The following SRGAP1 variants were observed in gnomAD, a reference collection of about 807,000 sequenced individuals.
The protein encoded by SRGAP1 is SLIT-ROBO Rho GTPase-activating protein 1.
Under a neutral mutation model 121.9 loss-of-function variants are expected in SRGAP1, and 43 were observed. The observed-to-expected ratio is 0.35, with a 90% CI of 0.28 to 0.46. The LOEUF (loss-of-function observed/expected upper bound fraction) is 0.46, where lower values mean the gene tolerates loss of function less well. SRGAP1 is among the 20% of genes least tolerant of loss of function. The pLI is 1.00. For missense variants in SRGAP1, 1,102 were observed against 1,350.9 expected, an observed-to-expected ratio of 0.82 and a Z score of 2.89; for synonymous variants, 447 against 485.4, an observed-to-expected ratio of 0.92 and a Z score of 1.04.
Position 64,042,861 on chromosome 12 carries a change from A to T in SRGAP1, c.561A>T (p.Lys187Asn). The T allele has an allele frequency of 6.2e-7, 1 of 1,613,906 alleles. No individual in the cohort carries two copies. The highest frequency in any genetic ancestry group is 2.2e-5 in the East Asian group (1 of 44,772). Residue 187 changes from lysine (K) to asparagine (N), a missense_variant, in exon 5 of 22, where the codon AAA becomes AAT. Around this residue, in one of 3 missense-constraint regions of SRGAP1, gnomAD observed 747 missense variants for 929.4 expected, o/e 0.80. Transcript: ENST00000355086. ...SAESKLKEAE[K>N]QEEKQIGRSG... ...AGAGCAAGCTGAAAGAGGCCGAAAA[A>T]CAAGAGGAAAAGCAAATTGGGAGAT...
chr12:63,917,408 G>C (rs1366361344), intron 1 of SRGAP1, among the ~76,000 whole-genome samples: 1 of 152,136 alleles, frequency 6.6e-6, no homozygotes, highest in East Asian at 1.9e-4. Flanking sequence ...CTTGGCTAGA[G>C]TCCAGGGTGG....
At chr12:64,070,080 A>G (rs1485982280) in intron 8 of SRGAP1, among the ~76,000 whole-genome samples, 4 of 152,194 alleles carry the variant, frequency 2.6e-5, no homozygotes, top group Non-Finnish European at 5.9e-5. Context: ...CTTAAAGGCA[A>G]CTTTTCAAAA....
intron 1 of SRGAP1, among the ~76,000 whole-genome samples, chr12:63,869,606 G>A (rs1013015604): frequency 1.3e-5 from 2 of 151,952 alleles, no homozygotes; most frequent in Admixed American, 1.3e-4. Context: ...TTTTTCCTGC[G>A]TTCATCTATA....
chr12:64,120,784 A>G (rs11835784), intron 18 of SRGAP1, among the ~76,000 whole-genome samples: 3,548 of 152,272 alleles, frequency 0.023, 156 homozygotes, highest in African/African-American at 0.081. Context: ...AATGCCCTCA[A>G]GGCAAAATCT....
At chr12:63,976,491 TTA>T (rs2136398481) in intron 1 of SRGAP1, among the ~76,000 whole-genome samples, 1 of 152,282 alleles carries the variant, frequency 6.6e-6, no homozygotes, top group South Asian at 2.1e-4. Context: ...CCCCCTCTCA[TTA>T]TCTGTCTGTG....
chr12:64,102,844 A>G (rs886884145), intron 15 of SRGAP1, among the ~76,000 whole-genome samples: 1 of 152,192 alleles, frequency 6.6e-6, no homozygotes, highest in African/African-American at 2.4e-5. Context: ...CTAATGGATA[A>G]GAGGTTTGTT....
intron 10 of SRGAP1, among the ~76,000 whole-genome samples, chr12:64,083,383 A>G (rs2136569800): frequency 6.6e-6 from 1 of 152,322 alleles, no homozygotes; most frequent in South Asian, 2.1e-4. Context: ...ATCTGTAACT[A>G]CAGACATGTG....
chr12:64,141,329 C>G (rs2036959573), intron 21 of SRGAP1, among the ~76,000 whole-genome samples: 1 of 150,810 alleles, frequency 6.6e-6, no homozygotes, highest in South Asian at 2.1e-4. Flanking sequence ...TGCCTGTAAT[C>G]CCAGCACTTT....
At chr12:64,121,926 C>T (rs557588870) in intron 18 of SRGAP1, among the ~76,000 whole-genome samples, 1 of 152,302 alleles carries the variant, frequency 6.6e-6, no homozygotes, top group South Asian at 2.1e-4. Context: ...ACTAGAGTAT[C>T]AATTATCCTT....
At chr12:63,854,413 A>T (rs1565921570) in intron 1 of SRGAP1, among the ~76,000 whole-genome samples, 1 of 152,198 alleles carries the variant, frequency 6.6e-6, no homozygotes, top group Non-Finnish European at 1.5e-5. Context: ...TCTTTTAAAG[A>T]TACATGCTGA....
chr12:64,087,155 A>G (rs1451253974), intron 11 of SRGAP1, 129 bp downstream of exon 11: 5 of 635,994 alleles, frequency 7.9e-6, no homozygotes, highest in East Asian at 3.0e-5. Context: ...TTGACAAAGC[A>G]TAGCAACATG....
chr12:64,020,265 T>A (rs1244251112), intron 4 of SRGAP1, among the ~76,000 whole-genome samples: 1 of 152,100 alleles, frequency 6.6e-6, no homozygotes, highest in Non-Finnish European at 1.5e-5. Context: ...GTGCAGATGA[T>A]GGGGTAGATA....
At chr12:63,975,425 C>A (rs2033066566) in intron 1 of SRGAP1, among the ~76,000 whole-genome samples, 1 of 152,098 alleles carries the variant, frequency 6.6e-6, no homozygotes, top group East Asian at 1.9e-4. Context: ...GTCCAAAAGC[C>A]ATATTGGTCA....
At chr12:64,032,102 A>C (rs2034794457) in intron 4 of SRGAP1, among the ~76,000 whole-genome samples, 1 of 152,222 alleles carries the variant, frequency 6.6e-6, no homozygotes, top group South Asian at 2.1e-4. Flanking sequence ...ATTTAGGCTC[A>C]CAGACAATTT....
At chr12:64,106,035 T>G (rs2036339715) in intron 15 of SRGAP1, among the ~76,000 whole-genome samples, 1 of 152,210 alleles carries the variant, frequency 6.6e-6, no homozygotes, top group South Asian at 2.1e-4. Flanking sequence ...ATTAATTGTT[T>G]TAGAGACAAT....
chr12:64,036,609 T>C (rs138573968), intron 4 of SRGAP1, among the ~76,000 whole-genome samples: 1 of 152,288 alleles, frequency 6.6e-6, no homozygotes, highest in African/African-American at 2.4e-5. Context: ...ACCACATCAT[T>C]TCTTTTCTGA....
In SRGAP1 at chr12:64,097,222, G is replaced by GTTTTTT; in HGVS notation, c.1679-8_1679-3dup. On this transcript the variant is annotated intron_variant, in intron 14 of 21. Transcript: ENST00000355086. ...AAAAGAAGCACTGTTAATGTAATGA[G>GTTTTTT]TTTTTTTTTTTTTTTTAGGTGAAAA... The GTTTTTT allele has an allele frequency of 3.4e-6, 5 of 1,459,398 alleles. No individual in the cohort carries two copies. Among genetic ancestry groups the GTTTTTT allele is most frequent in the African/African-American group, 3.0e-5 (2 of 66,994 alleles). The allele number at this position is 1,459,398 out of a possible 1,614,324, so 90.4% of individuals were successfully genotyped here. A position where few individuals can be genotyped will look rare whatever the true frequency, so the allele number is the denominator to read the frequency against.
intron 6 of SRGAP1, among the ~76,000 whole-genome samples, chr12:64,049,099 T>G (rs550513114): frequency 9.8e-5 from 15 of 152,348 alleles, no homozygotes; most frequent in Non-Finnish European, 2.1e-4. Flanking sequence ...CTGGAGAGTT[T>G]CTCCAATGTT....
At chr12:64,050,242 A>C (rs1190533350) in intron 6 of SRGAP1, among the ~76,000 whole-genome samples, 2 of 152,114 alleles carry the variant, frequency 1.3e-5, no homozygotes, top group Non-Finnish European at 1.5e-5. Context: ...ACTTTACTGA[A>C]TTTGCTTATC....
Sources: allele counts gnomAD v4.1 joint callset (sites outside exome capture counted in the v4.1 genomes callset), GRCh38; gene constraint gnomAD v4.1.1; regional missense constraint gnomAD v4.1.1; transcripts MANE v1.5; gene names NCBI Gene and HGNC (gene_info 2026-07-23, HGNC 2026-07-21).